Variants in TNR observed in about 807,000 individuals in gnomAD.
TNR encodes the protein tenascin R.
Under a neutral mutation model 150.4 loss-of-function variants are expected in TNR, and 45 were observed. That is an observed-to-expected ratio of 0.30 (90% confidence interval 0.24 to 0.38). TNR has a LOEUF of 0.38. Among genes scored for constraint, TNR ranks in the 10% least tolerant of loss-of-function variants. The pLI, the probability that TNR is intolerant of heterozygous loss-of-function variation, is 1.00. For missense variants in TNR, 1,544 were observed against 1,759.1 expected, an observed-to-expected ratio of 0.88 and a Z score of 2.19; for synonymous variants, 687 against 678.4, an observed-to-expected ratio of 1.01 and a Z score of -0.20.
intron 2 of TNR, among the ~76,000 whole-genome samples, chr1:175,473,589 A>T (rs780030746): frequency 2.0e-5 from 3 of 152,144 alleles, no homozygotes; most frequent in Non-Finnish European, 2.9e-5. Context: ...GGCAGAGAAG[A>T]TGGCCAAGGC....
intron 1 of TNR, among the ~76,000 whole-genome samples, chr1:175,616,236 C>A (rs1237756255): frequency 6.6e-6 from 1 of 152,176 alleles, no homozygotes; most frequent in Non-Finnish European, 1.5e-5. Context: ...TTGCCCTTCA[C>A]CCTGCTCATG....
chr1:175,482,680 T>C (rs1221751024), intron 2 of TNR, among the ~76,000 whole-genome samples: 3 of 152,202 alleles, frequency 2.0e-5, no homozygotes, highest in Non-Finnish European at 4.4e-5. Flanking sequence ...ATTGAGTATA[T>C]TAATATGAAT....
At chr1:175,571,365 G>T (rs1000139149) in intron 1 of TNR, among the ~76,000 whole-genome samples, 1 of 152,122 alleles carries the variant, frequency 6.6e-6, no homozygotes, top group Non-Finnish European at 1.5e-5. Context: ...GCCAAATCCT[G>T]TGTGTATATT....
intron 1 of TNR, among the ~76,000 whole-genome samples, chr1:175,710,825 T>C (rs1666991013): frequency 1.3e-5 from 2 of 152,182 alleles, no homozygotes; most frequent in African/African-American, 2.4e-5. Context: ...GTTTTTCTCC[T>C]TCAAAACCTT....
Position 175,353,909 on chromosome 1 carries a change from G to A in TNR, c.3382+482C>T, listed in dbSNP as rs112879655. On this transcript the variant is annotated intron_variant, in intron 18 of 22. Coordinates refer to ENST00000367674, the MANE Select transcript of TNR (RefSeq NM_003285.3). ...CACCCAGGCTGGAGTACAGTGGCACGATCTCAGCTCACTGCAACCTCTGCT... is the reference window on the plus strand; with the variant it reads ...CACCCAGGCTGGAGTACAGTGGCACAATCTCAGCTCACTGCAACCTCTGCT... 8.9e-3 allele frequency among the ~76,000 whole-genome samples: 1,344 copies of A among 150,874 alleles called. 21 individuals carry two copies. Among genetic ancestry groups the A allele is most frequent in the African/African-American group, 0.029 (1,192 of 40,714 alleles).
At chr1:175,435,349 A>C (rs1655455117) in intron 2 of TNR, among the ~76,000 whole-genome samples, 1 of 152,234 alleles carries the variant, frequency 6.6e-6, no homozygotes, top group African/African-American at 2.4e-5. Context: ...AGAAAGAAGG[A>C]AGTAAAAGAT....
chr1:175,537,367 C>T (rs1660333400), intron 1 of TNR, among the ~76,000 whole-genome samples: 2 of 152,210 alleles, frequency 1.3e-5, no homozygotes, highest in South Asian at 4.1e-4. Context: ...AATATTTCTT[C>T]TCTCCTTTAA....
At chr1:175,657,055 A>G (rs1418312483) in intron 1 of TNR, among the ~76,000 whole-genome samples, 13 of 152,178 alleles carry the variant, frequency 8.5e-5, no homozygotes, top group African/African-American at 3.1e-4. Flanking sequence ...AAATTTGCTA[A>G]TGGAAGAGAT....
At chr1:175,640,302 T>C (rs1664615478) in intron 1 of TNR, among the ~76,000 whole-genome samples, 1 of 152,220 alleles carries the variant, frequency 6.6e-6, no homozygotes, top group South Asian at 2.1e-4. Flanking sequence ...AGGCAAACAT[T>C]GAGCACATCC....
chr1:175,509,685 A>G (rs1021597382), intron 2 of TNR, among the ~76,000 whole-genome samples: 6 of 152,354 alleles, frequency 3.9e-5, no homozygotes, highest in Non-Finnish European at 2.9e-5. Context: ...ACTTGGCCTA[A>G]TAGTAAACCT....
chr1:175,503,635 C>A (rs895417149), intron 2 of TNR, among the ~76,000 whole-genome samples: 8 of 152,158 alleles, frequency 5.3e-5, no homozygotes, highest in African/African-American at 1.9e-4. Flanking sequence ...TCCACAAGGG[C>A]AGCTTTCTCC....
At chr1:175,611,874 T>C (rs934318911) in intron 1 of TNR, among the ~76,000 whole-genome samples, 6 of 152,124 alleles carry the variant, frequency 3.9e-5, no homozygotes, top group Non-Finnish European at 7.4e-5. Context: ...GTAATGGAGA[T>C]ATAAAAGAAA....
intron 1 of TNR, among the ~76,000 whole-genome samples, chr1:175,530,424 G>A (rs571440018): frequency 2.0e-5 from 3 of 152,258 alleles, no homozygotes; most frequent in African/African-American, 7.2e-5. Flanking sequence ...TCCTGAAAAG[G>A]GACTCAGCTG....
intron 2 of TNR, among the ~76,000 whole-genome samples, chr1:175,418,792 C>T (rs1654623851): frequency 1.3e-5 from 2 of 151,276 alleles, no homozygotes; most frequent in African/African-American, 4.9e-5. Flanking sequence ...GGGCTTGGTT[C>T]CTGGGATAGT....
chr1:175,395,868 C>G (rs1653402173), intron 5 of TNR, among the ~76,000 whole-genome samples: 1 of 152,138 alleles, frequency 6.6e-6, no homozygotes, highest in Non-Finnish European at 1.5e-5. Context: ...GGTACACACC[C>G]ACAGAAGTTT....
chr1:175,423,625 C>T (rs1013238886), intron 2 of TNR, among the ~76,000 whole-genome samples: 1 of 152,098 alleles, frequency 6.6e-6, no homozygotes, highest in African/African-American at 2.4e-5. Context: ...TGAAACTAGA[C>T]CCTAAGAAAC....
intron 1 of TNR, among the ~76,000 whole-genome samples, chr1:175,594,688 C>A (rs140844316): frequency 7.2e-5 from 11 of 152,038 alleles, no homozygotes; most frequent in African/African-American, 2.7e-4. Flanking sequence ...ATCCCCATCT[C>A]TACAAAAGAT....
chr1:175,479,878 G>A (rs1000376245), intron 2 of TNR, among the ~76,000 whole-genome samples: 2 of 152,112 alleles, frequency 1.3e-5, no homozygotes, highest in Admixed American at 6.6e-5. Context: ...TTTGGAAAAT[G>A]CATAACCATC....
intron 1 of TNR, among the ~76,000 whole-genome samples, chr1:175,559,751 T>C (rs1661346339): frequency 6.6e-6 from 1 of 152,260 alleles, no homozygotes; most frequent in Non-Finnish European, 1.5e-5. Context: ...GTTATTTCTG[T>C]TTGTAGCCAT....
Sources: allele counts gnomAD v4.1 joint callset (sites outside exome capture counted in the v4.1 genomes callset), GRCh38; gene constraint gnomAD v4.1.1; transcripts MANE v1.5; gene names NCBI Gene and HGNC (gene_info 2026-07-23, HGNC 2026-07-21).